AATK: variants seen among roughly 807,000 people sequenced by gnomAD.
The protein encoded by AATK is lemur tail kinase 1, also known as serine/threonine-protein kinase LMTK1.
AATK carries 91 observed loss-of-function variants against 114.3 expected under a neutral mutation model. The observed-to-expected ratio is 0.80, with a 90% CI of 0.67 to 0.95. The LOEUF is 0.95. Ranked by LOEUF, AATK falls within the 40% of genes least tolerant of loss-of-function variation. The pLI, the probability that AATK is intolerant of heterozygous loss-of-function variation, is 0.00. For missense variants in AATK, 2,176 were observed against 1,965.2 expected (o/e 1.11, Z -2.03); for synonymous variants, 1,075 against 916.5 (o/e 1.17, Z -3.12).
intron 9 of AATK, among the ~76,000 whole-genome samples, chr17:81,124,282 G>A (rs894231076): frequency 2.0e-5 from 3 of 152,158 alleles, no homozygotes; most frequent in Non-Finnish European, 2.9e-5. Context: ...AGGTGTGAAT[G>A]AACGCTCCGG....
At chr17:81,146,114 A>C (rs557309545) in intron 1 of AATK, among the ~76,000 whole-genome samples, 1 of 151,068 alleles carries the variant, frequency 6.6e-6, no homozygotes, top group African/African-American at 2.4e-5. Context: ...ACTTGAACTC[A>C]GGAGGTGGAG....
At chr17:81,150,678 C>T (rs932861383) in intron 1 of AATK, among the ~76,000 whole-genome samples, 10 of 152,158 alleles carry the variant, frequency 6.6e-5, no homozygotes, top group Admixed American at 1.3e-4. Context: ...GGCACTGCCA[C>T]GTGGAAAGGT....
rs916604073 is a variant in AATK, at chr17:81,124,750, G to A, written c.939C>T (p.Asp313=). The part of the protein sequence containing the change: ...DEVHSNLLVV[D]QTKSGNVWSL... Reference sequence around the variant, plus strand: ...ACCACACATTCCCGCTCTTGGTCTGGTCCACGACGAGCAGGTTGCTATGCA... The same window carrying A: ...ACCACACATTCCCGCTCTTGGTCTGATCCACGACGAGCAGGTTGCTATGCA... Residue 313 remains aspartate, a synonymous_variant, in exon 9 of 14, where the codon GAC becomes GAT. Transcript: ENST00000326724. The A allele has an allele frequency of 2.5e-6, 4 of 1,612,878 alleles. No homozygotes were observed. The highest frequency in any genetic ancestry group is 3.4e-6 in the Non-Finnish European group (4 of 1,179,812).
Position 81,121,961 on chromosome 17 carries a change from T to TCAGCGG in AATK, c.1969_1974dup (p.Pro657_Leu658dup), listed in dbSNP as rs755262818. 2.5e-6 allele frequency: 4 copies of TCAGCGG among 1,599,850 alleles called. No homozygotes were observed. The South Asian group carries it at 3.3e-5, about 13-fold the overall frequency. On this transcript the variant is annotated inframe_insertion, in exon 11 of 14. Transcript: ENST00000326724. ...ACCTCCTCTAGCTCATCCTCGCCAG[T>TCAGCGG]CAGCGGCAGCGGGGGCGCCCCTGAG...
At chr17:81,134,536 C>A (rs1331032241) in intron 1 of AATK, 35 bp from the exon 2 acceptor site, 1 of 1,597,118 alleles carries the variant, frequency 6.3e-7, no homozygotes, top group Admixed American at 1.7e-5. Flanking sequence ...GTGGCCATGG[C>A]TGAGGGCCGG....
In AATK at chr17:81,121,511, GTGGGGCTCCCTCCTGGGA is replaced by G. The variant is rs1259981325; in HGVS notation, c.2407_2424del (p.Ser803_Pro808del). 6.5e-7 allele frequency: 1 copy of G among 1,549,626 alleles called. No homozygotes were observed. The highest frequency in any genetic ancestry group is 1.8e-5 in the Admixed American group (1 of 54,134). On this transcript the variant is annotated inframe_deletion, in exon 11 of 14. Coordinates refer to ENST00000326724, the MANE Select transcript of AATK (RefSeq NM_001080395.3). ...GGGGCACTGGCCTCCTCCGAGGGAA[GTGGGGCTCCCTCCTGGGA>G]TGGGGAGGGGACGGAAGGAAGGGGC...
chr17:81,121,908 C>T lies in AATK; in HGVS notation c.2028G>A (p.Gly676=), dbSNP rs1378628124. 1 of 1,600,706 alleles carries T rather than the reference C, an allele frequency of 6.2e-7. No individual in the cohort carries two copies. Among genetic ancestry groups the T allele is most frequent in the East Asian group, 2.2e-5 (1 of 44,848 alleles). The change falls in exon 11 of 14, where the codon GGG becomes GGA. Residue 676 remains glycine (G), a synonymous_variant. Transcript: ENST00000326724. ...EVGARRAAQR[G]HWRSNVSANN... ...TGGCTGACACGTTGGAGCGCCAGTG[C>T]CCGCGCTGGGCGGCCCTCCGCGCTC...
At chr17:81,138,651 A>C (rs62648846) in intron 1 of AATK, among the ~76,000 whole-genome samples, 26,019 of 101,180 alleles carry the variant, frequency 0.26, 2,388 homozygotes, top group South Asian at 0.32. Context: ...ATCCACACAT[A>C]CCCACACACA....
At chr17:81,165,148 G>T (rs1030084619) in intron 1 of AATK, among the ~76,000 whole-genome samples, 9 of 152,250 alleles carry the variant, frequency 5.9e-5, no homozygotes, top group Non-Finnish European at 1.2e-4. Context: ...GGCCAAGCAG[G>T]GGCCGGATCT....
At chr17:81,149,306 A>T (rs1598965564) in intron 1 of AATK, among the ~76,000 whole-genome samples, 1 of 151,914 alleles carries the variant, frequency 6.6e-6, no homozygotes, top group Non-Finnish European at 1.5e-5. Flanking sequence ...CCCACACCCA[A>T]CACCTCCATC....
chr17:81,129,884 G>A (rs544342559), intron 3 of AATK, among the ~76,000 whole-genome samples: 22 of 152,304 alleles, frequency 1.4e-4, no homozygotes, highest in African/African-American at 3.8e-4. Context: ...AGATGTACTC[G>A]AGCTCAAGTG....
chr17:81,122,364 C>G lies in AATK; in HGVS notation c.1572G>C (p.Pro524=). The G allele has an allele frequency of 6.6e-7, 1 of 1,507,320 alleles. No individual in the cohort carries two copies. The highest frequency in any genetic ancestry group is 8.8e-7 in the Non-Finnish European group (1 of 1,132,126). The allele number at this position is 1,507,320 out of a possible 1,614,324, so 93.4% of individuals were successfully genotyped here. A position where few individuals can be genotyped will look rare whatever the true frequency, so the allele number is the denominator to read the frequency against. Reference sequence around the variant, plus strand: ...GGATGAAGTACTCGCTGCCCAGCGACGGGCTGTGCGCGCTGAGCACCGGAA... The same window carrying G: ...GGATGAAGTACTCGCTGCCCAGCGAGGGGCTGTGCGCGCTGAGCACCGGAA... ...GVVPVLSAHS[P]SLGSEYFIRL... is the part of the protein sequence containing the mutation. The change falls in exon 11 of 14, where the codon CCG becomes CCC. Residue 524 remains proline (P), a synonymous_variant. Transcript: ENST00000326724.
In AATK at chr17:81,118,342, G is replaced by A. The variant is rs554179149; in HGVS notation, c.*60C>T. On this transcript the variant is annotated 3_prime_UTR_variant, in exon 14 of 14. Transcript: ENST00000326724. ...CCCCACCTTCTCGGTCACCATCCTC[G>A]CTGCTGCCTGGCAGGGGCTCCGGTG... 39 of 1,529,496 alleles carry A rather than the reference G, an allele frequency of 2.5e-5. No individual in the cohort carries two copies. Among genetic ancestry groups the A allele is most frequent in the Middle Eastern group, 1.7e-4 (1 of 5,900 alleles). The allele number at this position is 1,529,496 out of a possible 1,614,324, so 94.7% of individuals were successfully genotyped here. A position where few individuals can be genotyped will look rare whatever the true frequency, so the allele number is the denominator to read the frequency against.
At chr17:81,151,378 G>C (rs1231399115) in intron 1 of AATK, among the ~76,000 whole-genome samples, 1 of 132,810 alleles carries the variant, frequency 7.5e-6, no homozygotes, top group Non-Finnish European at 1.6e-5. Flanking sequence ...CTGGGATCAA[G>C]CATTAACTTT....
Position 81,121,395 on chromosome 17 carries a change from G to A in AATK, c.2541C>T (p.Ser847=). ...GTGCCTCCACCTCGGGAGAGCTGCTGCTGCCATTCAGGGCAGAAGCCAGCT... is the reference window on the plus strand; with the variant it reads ...GTGCCTCCACCTCGGGAGAGCTGCTACTGCCATTCAGGGCAGAAGCCAGCT... ...AIKLASALNG[S]SSSPEVEAPS... is the part of the protein sequence containing the mutation. The change falls in exon 11 of 14, where the codon AGC becomes AGT. Residue 847 remains serine, a synonymous_variant. Coordinates refer to ENST00000326724, the MANE Select transcript of AATK (RefSeq NM_001080395.3). 1 of 1,608,962 alleles carries A rather than the reference G, an allele frequency of 6.2e-7. No individual in the cohort carries two copies. Among genetic ancestry groups the A allele is most frequent in the Non-Finnish European group, 8.5e-7 (1 of 1,178,678 alleles).
chr17:81,131,506 G>A (rs966501622), intron 2 of AATK, among the ~76,000 whole-genome samples: 1 of 152,180 alleles, frequency 6.6e-6, no homozygotes, highest in African/African-American at 2.4e-5. Context: ...GAAAGGGCGC[G>A]ATGAGCTGTA....
In AATK at chr17:81,132,148, C is replaced by T. The variant is rs543553449; in HGVS notation, c.190-943G>A. Among the ~76,000 whole-genome samples the T allele has an allele frequency of 3.3e-5, 5 of 152,358 alleles. No individual in the cohort carries two copies. In the South Asian group the frequency reaches 1.0e-3, roughly 32 times the overall value. The stretch of plus-strand genomic sequence containing the variant: ...TCCTGGGCCCAGCTGAAAGCAATTG[C>T]TCCAGGCACACAATGACAGCCCCAA... On this transcript the variant is annotated intron_variant, in intron 2 of 13. Coordinates refer to ENST00000326724, the MANE Select transcript of AATK (RefSeq NM_001080395.3).
intron 13 of AATK, 113 bp downstream of exon 13, chr17:81,119,267 G>T: frequency 1.9e-6 from 2 of 1,054,808 alleles, no homozygotes; most frequent in Non-Finnish European, 2.5e-6. Context: ...GGAGCGGAGC[G>T]GAGCGGAGCC....
intron 3 of AATK, among the ~76,000 whole-genome samples, chr17:81,129,345 C>A (rs2060896013): frequency 6.6e-6 from 1 of 152,114 alleles, no homozygotes. Flanking sequence ...GTCTGGGCGG[C>A]CCTCTCTCAC....
Sources: allele counts gnomAD v4.1 joint callset (sites outside exome capture counted in the v4.1 genomes callset), GRCh38; gene constraint gnomAD v4.1.1; transcripts MANE v1.5; gene names NCBI Gene and HGNC (gene_info 2026-07-23, HGNC 2026-07-21).